The following SLC22A24 variants were observed in gnomAD, a reference collection of about 807,000 sequenced individuals.
SLC22A24 encodes steroid transmembrane transporter SLC22A24.
A neutral mutation model predicts 49.8 loss-of-function variants in SLC22A24; 53 were observed. The observed-to-expected ratio is 1.06, with a 90% CI of 0.85 to 1.34. SLC22A24 has a LOEUF of 1.34. SLC22A24 is among the 40% of genes most tolerant of loss of function. The pLI is 0.00. For missense variants in SLC22A24, 786 were observed against 675.9 expected (o/e 1.16, Z -1.81); for synonymous variants, 302 against 256.4 (o/e 1.18, Z -1.70).
At chr11:63,090,307 CAG>C (rs1342753718) in intron 6 of SLC22A24, among the ~76,000 whole-genome samples, 2 of 151,960 alleles carry the variant, frequency 1.3e-5, no homozygotes, top group Non-Finnish European at 2.9e-5. Flanking sequence ...AGCAACAAGA[CAG>C]AGAATTAACA....
rs1204526783 is a variant in SLC22A24 at position 63,113,029 on chromosome 11, AAAAAAAATAT to A, written c.830+5873_830+5882del. Among the ~76,000 whole-genome samples the A allele has an allele frequency of 2.4e-4, 12 of 50,898 alleles. 3 individuals carry two copies. Among genetic ancestry groups the A allele is most frequent in the African/African-American group, 9.8e-4 (12 of 12,236 alleles). 33.4% of individuals were successfully genotyped at this position (50,898 alleles called of 152,430 possible). A position where few individuals can be genotyped will look rare whatever the true frequency, so the allele number is the denominator to read the frequency against. ...TCTGTCTCAAAAAAAAAAAAAAAAA[AAAAAAAATAT>A]ATATATATATATATACATATATATA... On this transcript the variant is annotated intron_variant, in intron 4 of 9. Coordinates refer to ENST00000612278, the MANE Select transcript of SLC22A24 (RefSeq NM_001136506.2).
At chr11:63,118,701 C>T in intron 4 of SLC22A24, 12 of 525,828 alleles carry the variant, frequency 2.3e-5, no homozygotes, top group African/African-American at 3.8e-5. Flanking sequence ...ATGATAATTC[C>T]ATGTCTAAAA....
At chr11:63,087,024 G>GCGCGCACA (rs376936925) in intron 6 of SLC22A24, among the ~76,000 whole-genome samples, 22,991 of 132,490 alleles carry the variant, frequency 0.17, 2,383 homozygotes, top group Admixed American at 0.25. Context: ...CCTGGAGGGC[G>GCGCGCACA]CACACACACA....
chr11:63,099,285 C>T (rs1409393577), intron 5 of SLC22A24, among the ~76,000 whole-genome samples: 2 of 150,936 alleles, frequency 1.3e-5, no homozygotes, highest in Admixed American at 6.6e-5. Flanking sequence ...GCAGCCTCAA[C>T]CTTCCAGGCT....
At chr11:63,109,788 T>G (rs1469910039) in intron 4 of SLC22A24, among the ~76,000 whole-genome samples, 2 of 151,982 alleles carry the variant, frequency 1.3e-5, no homozygotes, top group Non-Finnish European at 2.9e-5. Context: ...TTTCTCCCAT[T>G]TTGTAGGTTG....
At chr11:63,117,710 C>T (rs2087221468) in intron 4 of SLC22A24, among the ~76,000 whole-genome samples, 1 of 152,136 alleles carries the variant, frequency 6.6e-6, no homozygotes, top group South Asian at 2.1e-4. Flanking sequence ...ATTTTCTTTT[C>T]TCTAGCTTAC....
intron 1 of SLC22A24, among the ~76,000 whole-genome samples, chr11:63,142,015 C>A (rs2087418770): frequency 6.6e-6 from 1 of 152,100 alleles, no homozygotes; most frequent in African/African-American, 2.4e-5. Context: ...AGGCCCCAGA[C>A]AAATGCTTTC....
Position 63,098,368 on chromosome 11 carries a change from G to A in SLC22A24, c.955-2262C>T, listed in dbSNP as rs377498485. Among the ~76,000 whole-genome samples the A allele has an allele frequency of 5.7e-4, 87 of 152,232 alleles. No homozygotes were observed. The South Asian group carries it at 0.017, about 30-fold the overall frequency. On this transcript the variant is annotated intron_variant, in intron 5 of 9. Coordinates refer to ENST00000612278, the MANE Select transcript of SLC22A24 (RefSeq NM_001136506.2). ...AGCAATTAGTGCCTACATCCAAAAT[G>A]TATAAAAACTTCAAATATTGGCAGG...
rs760614010 is a variant in SLC22A24, at chr11:63,143,437, G to T, written c.343C>A (p.Pro115Thr). The T allele has an allele frequency of 2.6e-6, 4 of 1,565,370 alleles. No individual in the cohort carries two copies. The highest frequency in any genetic ancestry group is 2.3e-5 in the East Asian group (1 of 42,936). ...TCGTACACCCAGCCATCCACACAGG[G>T]CTCCGTGTCTGGCTCATTTGTGTTG... ...FPNTNEPDTEPCVDGWVYDRS... is the reference protein window; with the variant it reads ...FPNTNEPDTETCVDGWVYDRS... The change falls in exon 1 of 10, where the codon CCC becomes ACC. Residue 115 changes from proline (P) to threonine (T), a missense_variant. Pro to Thr is a conservative substitution (Grantham distance 38). Coordinates refer to ENST00000612278, the MANE Select transcript of SLC22A24 (RefSeq NM_001136506.2).
Position 63,119,290 on chromosome 11 carries a change from G to A in SLC22A24, c.552C>T (p.Ala184=). 6.4e-7 allele frequency: 1 copy of A among 1,550,766 alleles called. No homozygotes were observed. Among genetic ancestry groups the A allele is most frequent in the South Asian group, 1.2e-5 (1 of 83,842 alleles). ...IICKLCFLQL[A]ISNTCAAFAP... is the part of the protein sequence containing the mutation. ...CGAAGGCCGCACAGGTGTTAGAGAT[G>A]GCCAGCTGGAGGAAACACAATTTGC... Residue 184 remains alanine, a synonymous_variant, in exon 3 of 10, where the codon GCC becomes GCT. Coordinates refer to ENST00000612278, the MANE Select transcript of SLC22A24 (RefSeq NM_001136506.2).
At chr11:63,096,688 C>T (rs1418460166) in intron 5 of SLC22A24, among the ~76,000 whole-genome samples, 1 of 152,090 alleles carries the variant, frequency 6.6e-6, no homozygotes, top group Non-Finnish European at 1.5e-5. Flanking sequence ...TGGGTCCCCT[C>T]ATGAGTGGAG....
chr11:63,139,619 G>A (rs913720917), intron 1 of SLC22A24, among the ~76,000 whole-genome samples: 3 of 152,108 alleles, frequency 2.0e-5, no homozygotes, highest in African/African-American at 7.2e-5. Context: ...ATTATAAGAT[G>A]GGCTGATTGT....
At chr11:63,106,854 A>G (rs1475901384) in intron 4 of SLC22A24, among the ~76,000 whole-genome samples, 1 of 152,156 alleles carries the variant, frequency 6.6e-6, no homozygotes, top group Admixed American at 6.5e-5. Flanking sequence ...AGTAGGTTGC[A>G]AAAATTTTCT....
At position 63,083,256 on chromosome 11, in the gene SLC22A24, G is replaced by A. The variant is rs559615034; in HGVS notation, c.1272C>T (p.Thr424=). The part of the protein sequence containing the change: ...FPVGLFILVN[T]FLPQEMQILR... ...TGTCTCTCTCACCTTGGGGCAAAAA[G>A]GTGTTGACCAGAATGAAAAGTCCCA... The change falls in exon 7 of 10, where the codon ACC becomes ACT. Residue 424 remains threonine, a synonymous_variant. Transcript: ENST00000612278. 1.9e-6 allele frequency: 3 copies of A among 1,555,432 alleles called. No homozygotes were observed. The highest frequency in any genetic ancestry group is 2.6e-6 in the Non-Finnish European group (3 of 1,148,596).
intron 6 of SLC22A24, 66 bp from the exon 7 acceptor site, chr11:63,083,523 G>A: frequency 3.0e-6 from 4 of 1,323,848 alleles, no homozygotes; most frequent in Admixed American, 2.2e-5. Flanking sequence ...CATTTTCTGA[G>A]ATTTTGAAGG....
chr11:63,141,227 T>C (rs1436327226), intron 1 of SLC22A24, among the ~76,000 whole-genome samples: 1 of 152,244 alleles, frequency 6.6e-6, no homozygotes, highest in Non-Finnish European at 1.5e-5. Flanking sequence ...GATGCACTAA[T>C]GCAAACATGA....
At chr11:63,125,198 T>A (rs898732871) in intron 2 of SLC22A24, among the ~76,000 whole-genome samples, 8 of 152,296 alleles carry the variant, frequency 5.3e-5, no homozygotes, top group Admixed American at 5.2e-4. Flanking sequence ...GAGGTACCTG[T>A]GCAGAATGTG....
rs186145324 is a variant in SLC22A24 at position 63,097,717 on chromosome 11, G to A, written c.955-1611C>T. 7.1e-3 allele frequency among the ~76,000 whole-genome samples: 1,087 copies of A among 152,142 alleles called. 10 individuals are homozygous for A. Among genetic ancestry groups the A allele is most frequent in the African/African-American group, 0.025 (1,028 of 41,486 alleles). ...AGAAAACGGGGCACATATATGCCAC[G>A]GAATACTATGCTGCCATGAAAAATA... On this transcript the variant is annotated intron_variant, in intron 5 of 9. Coordinates refer to ENST00000612278, the MANE Select transcript of SLC22A24 (RefSeq NM_001136506.2).
At chr11:63,140,545 A>C (rs908538215) in intron 1 of SLC22A24, among the ~76,000 whole-genome samples, 3 of 152,222 alleles carry the variant, frequency 2.0e-5, no homozygotes, top group African/African-American at 7.2e-5. Flanking sequence ...ATTAGATTAT[A>C]GATGAGGCTT....
Sources: allele counts gnomAD v4.1 joint callset (sites outside exome capture counted in the v4.1 genomes callset), GRCh38; gene constraint gnomAD v4.1.1; transcripts MANE v1.5; gene names NCBI Gene and HGNC (gene_info 2026-07-23, HGNC 2026-07-21).